The following PRIM2 variants were observed in gnomAD, a reference collection of about 807,000 sequenced individuals.
PRIM2 encodes the protein DNA primase large subunit.
In PRIM2, 39 loss-of-function variants were observed where a neutral mutation model predicts 67.3. That is an observed-to-expected ratio of 0.58 (90% CI 0.45 to 0.76). PRIM2 has a LOEUF of 0.76. PRIM2 is among the 30% of genes least tolerant of loss of function. The pLI is 0.00. For missense variants in PRIM2, 398 were observed against 598.7 expected (o/e 0.66, Z 3.50); for synonymous variants, 143 against 198.7 (o/e 0.72, Z 2.36).
chr6:57,409,290 C>T lies in PRIM2; in HGVS notation c.693+27122C>T, dbSNP rs1475664837. Reference sequence around the variant, plus strand: ...TCTCGGGTTCACGCCATTCTTCTGCCTCGGCCTCCCAAGTAGCTGGGACTA... The same window carrying T: ...TCTCGGGTTCACGCCATTCTTCTGCTTCGGCCTCCCAAGTAGCTGGGACTA... On this transcript the variant is annotated intron_variant, in intron 7 of 13. Transcript: ENST00000615550. 1.1e-4 allele frequency among the ~76,000 whole-genome samples: 17 copies of T among 152,098 alleles called. 1 individual carries two copies. The highest frequency in any genetic ancestry group is 4.6e-4 in the Admixed American group (7 of 15,276).
At chr6:57,360,605 C>T (rs910514359) in intron 5 of PRIM2, among the ~76,000 whole-genome samples, 10 of 152,122 alleles carry the variant, frequency 6.6e-5, no homozygotes, top group African/African-American at 1.7e-4. Context: ...ATGGGAGTAT[C>T]GTGGATGAAT....
intron 10 of PRIM2, among the ~76,000 whole-genome samples, chr6:57,563,234 A>G (rs1172185631): frequency 6.6e-6 from 1 of 151,552 alleles, no homozygotes; most frequent in Admixed American, 6.6e-5. Context: ...TATGTTACTA[A>G]TCTTAAAATA....
At chr6:57,337,069 G>C (rs892328507) in intron 5 of PRIM2, among the ~76,000 whole-genome samples, 2 of 152,118 alleles carry the variant, frequency 1.3e-5, no homozygotes, top group African/African-American at 2.4e-5. Context: ...CCTAGTCTCT[G>C]ATAAAACAGA....
chr6:57,240,100 T>TTG, the PRIM2 span, among the ~76,000 whole-genome samples: 18 of 141,690 alleles, frequency 1.3e-4, no homozygotes, highest in African/African-American at 5.0e-4. Flanking sequence ...TGTTTTTTTT[T>TTG]TTTTTTTTTT....
chr6:57,360,362 A>G (rs1307033554), intron 5 of PRIM2, among the ~76,000 whole-genome samples: 2 of 152,168 alleles, frequency 1.3e-5, no homozygotes, highest in African/African-American at 4.8e-5. Flanking sequence ...TATTTTCAGC[A>G]TTTAATGCTT....
chr6:57,335,080 T>C (rs1371987185), intron 5 of PRIM2, among the ~76,000 whole-genome samples: 1 of 150,404 alleles, frequency 6.6e-6, no homozygotes, highest in Non-Finnish European at 1.5e-5. Context: ...TTCCCTTTCC[T>C]AGTCAAAGAA....
the PRIM2 span, among the ~76,000 whole-genome samples, chr6:57,284,563 C>A: frequency 6.6e-6 from 1 of 152,096 alleles, no homozygotes; most frequent in Non-Finnish European, 1.5e-5. Context: ...TCACTCACCC[C>A]TCATTTACCT....
At chr6:57,565,156 G>A (rs1487410349) in intron 10 of PRIM2, among the ~76,000 whole-genome samples, 2 of 151,684 alleles carry the variant, frequency 1.3e-5, no homozygotes, top group Non-Finnish European at 2.9e-5. Flanking sequence ...TGAAACAAGT[G>A]GAGAAAATAC....
At chr6:57,442,016 C>G (rs9396298) in intron 7 of PRIM2, among the ~76,000 whole-genome samples, 2 of 151,236 alleles carry the variant, frequency 1.3e-5, no homozygotes, top group South Asian at 2.1e-4. Context: ...TAATGTTTTC[C>G]TTTACTAACA....
chr6:57,539,304 AC>A (rs1775084738), intron 10 of PRIM2, among the ~76,000 whole-genome samples: 3 of 152,172 alleles, frequency 2.0e-5, no homozygotes, highest in Non-Finnish European at 4.4e-5. Context: ...AGAACTAAAC[AC>A]CACTGCTTTT....
At chr6:57,448,059 A>C (rs1772422068) in intron 7 of PRIM2, among the ~76,000 whole-genome samples, 1 of 152,220 alleles carries the variant, frequency 6.6e-6, no homozygotes, top group Non-Finnish European at 1.5e-5. Context: ...AGTTTTTGAA[A>C]GTAAATTTGA....
At chr6:57,397,921 G>T (rs1474829850) in intron 7 of PRIM2, among the ~76,000 whole-genome samples, 9 of 143,112 alleles carry the variant, frequency 6.3e-5, no homozygotes, top group Non-Finnish European at 1.2e-4. Flanking sequence ...TTTTGAGACG[G>T]AGTCTTGCTC....
chr6:57,450,883 T>C (rs1232487547), intron 7 of PRIM2, among the ~76,000 whole-genome samples: 2 of 152,202 alleles, frequency 1.3e-5, no homozygotes, highest in Non-Finnish European at 2.9e-5. Flanking sequence ...TCTGCATATG[T>C]TTATAAAAGA....
intron 7 of PRIM2, among the ~76,000 whole-genome samples, chr6:57,465,788 GCTTT>G (rs1773164095): frequency 6.6e-6 from 1 of 151,800 alleles, no homozygotes; most frequent in South Asian, 2.1e-4. Context: ...GTACATTAGT[GCTTT>G]CTATCATTTT....
chr6:57,587,016 G>A (rs1421525677), intron 10 of PRIM2: 1 of 152,204 alleles, frequency 6.6e-6, no homozygotes. Context: ...ATGATGAATA[G>A]TAGAAGCTCC....
chr6:57,269,082 T>C, the PRIM2 span, among the ~76,000 whole-genome samples: 1 of 152,092 alleles, frequency 6.6e-6, no homozygotes, highest in Admixed American at 6.6e-5. Flanking sequence ...TGAATAGTGC[T>C]GCAATAAACA....
At chr6:57,349,623 G>T (rs1478253270) in intron 5 of PRIM2, among the ~76,000 whole-genome samples, 2 of 151,998 alleles carry the variant, frequency 1.3e-5, no homozygotes, top group Non-Finnish European at 1.5e-5. Flanking sequence ...TCCACCCAAG[G>T]TGTGTTTCTT....
rs1554347711 is a variant in PRIM2, at chr6:57,511,513, T to C, written c.761+4059T>C. ...AATACAATGTACATAATTTTGTTAA[T>C]TGAACTGTCTCCCTCGTGGAATTAT... On this transcript the variant is annotated intron_variant, in intron 8 of 13. Transcript: ENST00000615550. Among the ~76,000 whole-genome samples the C allele has an allele frequency of 1.2e-4, 18 of 152,332 alleles. No individual in the cohort carries two copies. In the South Asian group the frequency reaches 2.9e-3, roughly 25 times the overall value.
the PRIM2 span, among the ~76,000 whole-genome samples, chr6:57,252,501 C>T: frequency 1.8e-4 from 27 of 152,166 alleles, no homozygotes; most frequent in Middle Eastern, 3.4e-3. Context: ...AGTGCAGTGG[C>T]GCAATCTTGG....
Sources: allele counts gnomAD v4.1 joint callset (sites outside exome capture counted in the v4.1 genomes callset), GRCh38; gene constraint gnomAD v4.1.1; transcripts MANE v1.5; gene names NCBI Gene and HGNC (gene_info 2026-07-23, HGNC 2026-07-21).